Variants in NR3C2 observed in about 807,000 individuals in gnomAD.
The protein encoded by NR3C2 is mineralocorticoid receptor.
NR3C2 carries 15 observed loss-of-function variants against 86.4 expected under a neutral mutation model. The observed-to-expected ratio is 0.17, with a 90% confidence interval of 0.12 to 0.27. The LOEUF (loss-of-function observed/expected upper bound fraction) is 0.27. Among genes scored for constraint, NR3C2 ranks in the 10% least tolerant of loss-of-function variants. The probability of loss-of-function intolerance (pLI) is 1.00; values close to 1 mark genes in which losing one functional copy is unlikely to be tolerated. For missense variants in NR3C2, 960 were observed against 1,195.6 expected, an observed-to-expected ratio of 0.80 and a Z score of 2.91; for synonymous variants, 458 against 450.5, an observed-to-expected ratio of 1.02 and a Z score of -0.21.
chr4:148,121,033 A>AT (rs1274700028), intron 6 of NR3C2, among the ~76,000 whole-genome samples: 2 of 152,062 alleles, frequency 1.3e-5, no homozygotes, highest in African/African-American at 2.4e-5. Context: ...AGGCATCACT[A>AT]TTTTTTTTAG....
intron 6 of NR3C2, among the ~76,000 whole-genome samples, chr4:148,136,176 A>G (rs1418058098): frequency 6.6e-6 from 1 of 151,946 alleles, no homozygotes; most frequent in African/African-American, 2.4e-5. Context: ...AAGTCTTAGC[A>G]TGCCTAATTT....
intron 3 of NR3C2, among the ~76,000 whole-genome samples, chr4:148,210,810 A>G (rs986449752): frequency 1.1e-4 from 17 of 152,246 alleles, no homozygotes; most frequent in African/African-American, 3.6e-4. Flanking sequence ...ATTTTCATAT[A>G]CAAAACCACC....
At chr4:148,433,642 GA>G (rs1395606127) in intron 2 of NR3C2, among the ~76,000 whole-genome samples, 2 of 152,086 alleles carry the variant, frequency 1.3e-5, no homozygotes, top group Non-Finnish European at 2.9e-5. Flanking sequence ...ATACAGTTGA[GA>G]AAACTAAACA....
intron 3 of NR3C2, among the ~76,000 whole-genome samples, chr4:148,230,566 T>C (rs1176711764): frequency 2.0e-5 from 3 of 152,212 alleles, no homozygotes; most frequent in African/African-American, 7.2e-5. Flanking sequence ...CCTCTGAAAT[T>C]GCAATTATGT....
intron 4 of NR3C2, among the ~76,000 whole-genome samples, chr4:148,178,328 C>T (rs1735476993): frequency 6.6e-6 from 1 of 151,728 alleles, no homozygotes; most frequent in South Asian, 2.1e-4. Flanking sequence ...GAGACTCTGT[C>T]TGGAAAAAAG....
chr4:148,417,835 T>C (rs1383904489), intron 2 of NR3C2, among the ~76,000 whole-genome samples: 1 of 152,210 alleles, frequency 6.6e-6, no homozygotes, highest in Non-Finnish European at 1.5e-5. Context: ...AAGAAGATAC[T>C]ATATATTTTG....
chr4:148,144,973 G>A (rs1348039547), intron 6 of NR3C2, among the ~76,000 whole-genome samples: 2 of 152,178 alleles, frequency 1.3e-5, no homozygotes, highest in African/African-American at 4.8e-5. Context: ...CATGATCAGG[G>A]CAGGAGAGGT....
At chr4:148,382,320 A>G (rs745424612) in intron 2 of NR3C2, among the ~76,000 whole-genome samples, 2 of 152,202 alleles carry the variant, frequency 1.3e-5, no homozygotes, top group Admixed American at 1.3e-4. Flanking sequence ...CTGAACTAGG[A>G]GCTAAGGATA....
At chr4:148,125,053 T>C (rs1434352753) in intron 6 of NR3C2, among the ~76,000 whole-genome samples, 2 of 152,240 alleles carry the variant, frequency 1.3e-5, no homozygotes, top group African/African-American at 4.8e-5. Context: ...CTAACATGTA[T>C]TGTTTTGGCA....
At chr4:148,166,834 G>A (rs1033860499) in intron 4 of NR3C2, among the ~76,000 whole-genome samples, 7 of 151,660 alleles carry the variant, frequency 4.6e-5, no homozygotes, top group African/African-American at 1.7e-4. Context: ...GACCCGTCCT[G>A]GGAGGACTTC....
At chr4:148,329,478 T>C (rs1226338185) in intron 2 of NR3C2, among the ~76,000 whole-genome samples, 1 of 152,238 alleles carries the variant, frequency 6.6e-6, no homozygotes, top group Non-Finnish European at 1.5e-5. Flanking sequence ...ATTTACATTA[T>C]TTACAGATTC....
At chr4:148,415,497 T>A (rs1020986657) in intron 2 of NR3C2, among the ~76,000 whole-genome samples, 4 of 152,150 alleles carry the variant, frequency 2.6e-5, no homozygotes, top group African/African-American at 9.7e-5. Flanking sequence ...GTGGTTTTAA[T>A]AGATGTTACA....
At chr4:148,410,420 C>T (rs1442596314) in intron 2 of NR3C2, among the ~76,000 whole-genome samples, 1 of 152,186 alleles carries the variant, frequency 6.6e-6, no homozygotes, top group Non-Finnish European at 1.5e-5. Context: ...ATTAACAAAT[C>T]CAGATTTTCT....
chr4:148,183,529 T>A (rs1263639734), intron 4 of NR3C2, among the ~76,000 whole-genome samples: 3 of 152,214 alleles, frequency 2.0e-5, no homozygotes, highest in Non-Finnish European at 4.4e-5. Flanking sequence ...TGGTGTGAGA[T>A]GATATCTCAC....
At chr4:148,393,404 G>C (rs1251237295) in intron 2 of NR3C2, among the ~76,000 whole-genome samples, 1 of 152,182 alleles carries the variant, frequency 6.6e-6, no homozygotes, top group African/African-American at 2.4e-5. Flanking sequence ...GTCTTGGGTA[G>C]ATCCCTGAAA....
intron 2 of NR3C2, among the ~76,000 whole-genome samples, chr4:148,327,799 CT>C (rs1325498757): frequency 3.9e-5 from 6 of 152,186 alleles, no homozygotes; most frequent in Admixed American, 3.9e-4. Flanking sequence ...ACTTAACCTG[CT>C]TGGCTTTAAT....
At chr4:148,250,991 C>A (rs1297090659) in intron 3 of NR3C2, among the ~76,000 whole-genome samples, 2 of 151,866 alleles carry the variant, frequency 1.3e-5, no homozygotes, top group African/African-American at 4.8e-5. Flanking sequence ...TACTTTGTTG[C>A]CCAGGCCGAA....
At chr4:148,375,794 G>T (rs1746649144) in intron 2 of NR3C2, among the ~76,000 whole-genome samples, 1 of 152,132 alleles carries the variant, frequency 6.6e-6, no homozygotes, top group African/African-American at 2.4e-5. Context: ...TTTCAACTCA[G>T]TTGCAGCCAT....
intron 4 of NR3C2, 93 bp from the exon 5 acceptor site, chr4:148,154,994 A>G (rs1400961119): frequency 1.0e-6 from 1 of 1,003,736 alleles, no homozygotes; most frequent in African/African-American, 1.6e-5. Flanking sequence ...CTCTAAATAG[A>G]TCTTGTTATG....
Sources: gnomAD v4.1 joint callset for allele counts (sites outside exome capture counted in the v4.1 genomes callset) on GRCh38, gnomAD v4.1.1 for gene constraint, MANE v1.5 for transcripts, NCBI Gene and HGNC (gene_info 2026-07-23, HGNC 2026-07-21) for gene names.